MRPL12: variants seen among roughly 807,000 people sequenced by gnomAD.
MRPL12 encodes the protein large ribosomal subunit protein bL12m.
MRPL12 carries 13 observed loss-of-function variants against 21.1 expected under a neutral mutation model. The observed-to-expected ratio is 0.62, with a 90% CI of 0.40 to 0.98. The LOEUF is 0.98. MRPL12 is among the 50% of genes least tolerant of loss of function. MRPL12 has a pLI of 0.00. For synonymous variants in MRPL12, 126 were observed against 115.3 expected, an observed-to-expected ratio of 1.09 and a Z score of -0.60; for missense variants, 251 against 268.6, an observed-to-expected ratio of 0.93 and a Z score of 0.46.
At chr17:81,704,560 G>T in intron 2 of MRPL12, 73 bp from the exon 3 acceptor site, 1 of 1,579,564 alleles carries the variant, frequency 6.3e-7, no homozygotes, top group Non-Finnish European at 8.7e-7. Flanking sequence ...TCCATGCCAG[G>T]CTAGTTGCCC....
chr17:81,703,551 G>C lies in MRPL12; in HGVS notation c.50G>C (p.Arg17Pro), dbSNP rs751135214. The C allele has an allele frequency of 1.5e-5, 22 of 1,462,734 alleles. No individual in the cohort carries two copies. In the South Asian group the frequency reaches 2.6e-4, roughly 17 times the overall value. The allele number at this position is 1,462,734 out of a possible 1,614,324, so 90.6% of individuals were successfully genotyped here. Residue 17 changes from arginine to proline, a missense_variant, in exon 1 of 5, where the codon CGG becomes CCG. Physicochemically the swap from Arg to Pro is moderately radical, Grantham distance 103. Coordinates refer to ENST00000333676, the MANE Select transcript of MRPL12 (RefSeq NM_002949.4). ...CTGTGGGGGCCTTGCCTTGGGCTTC[G>C]GGCCGCTGCGTTCCGCCTTGCCAGG... is the stretch of plus-strand genomic sequence containing the variant. Reference protein sequence around the residue: ...RPLWGPCLGLRAAAFRLARRQ... With the variant: ...RPLWGPCLGLPAAAFRLARRQ...
intron 1 of MRPL12, among the ~76,000 whole-genome samples, chr17:81,703,939 G>A (rs1388076878): frequency 6.6e-6 from 1 of 152,252 alleles, no homozygotes; most frequent in Non-Finnish European, 1.5e-5. Context: ...TTTCGCCACC[G>A]CTGGGTTGAT....
Position 81,703,373 on chromosome 17 carries a change from T to G in MRPL12, c.-129T>G. The G allele has an allele frequency of 1.4e-6, 1 of 730,092 alleles. No homozygotes were observed. Among genetic ancestry groups the G allele is most frequent in the Non-Finnish European group, 2.1e-6 (1 of 479,678 alleles). 45.2% of individuals were successfully genotyped at this position (730,092 alleles called of 1,614,324 possible). ...CGCGAGGTACGGCTAGAGCGTCATT[T>G]CCGGCTCGAATGCCCGGCAGCCGTG... On this transcript the variant is annotated 5_prime_UTR_variant, in exon 1 of 5. Coordinates refer to ENST00000333676, the MANE Select transcript of MRPL12 (RefSeq NM_002949.4).
intron 1 of MRPL12, 115 bp from the exon 2 acceptor site, chr17:81,704,129 T>G: frequency 9.2e-7 from 1 of 1,081,172 alleles, no homozygotes; most frequent in East Asian, 2.6e-5. Context: ...CCCTAGTGAT[T>G]ACCAGCCTGA....
chr17:81,703,480 T>C lies in MRPL12; in HGVS notation c.-22T>C. The C allele has an allele frequency of 6.7e-7, 1 of 1,487,948 alleles. No homozygotes were observed. Among genetic ancestry groups the C allele is most frequent in the Non-Finnish European group, 8.9e-7 (1 of 1,124,930 alleles). 92.2% of individuals were successfully genotyped at this position (1,487,948 alleles called of 1,614,324 possible). A position where few individuals can be genotyped will look rare whatever the true frequency, so the allele number is the denominator to read the frequency against. On this transcript the variant is annotated 5_prime_UTR_variant, in exon 1 of 5. Coordinates refer to ENST00000333676, the MANE Select transcript of MRPL12 (RefSeq NM_002949.4). Reference sequence around the variant, plus strand: ...TCGCCTCCTCCCGGGGAACCGCGTGTGACCTTCCAGCCCGCGGACCGATGC... The same window carrying C: ...TCGCCTCCTCCCGGGGAACCGCGTGCGACCTTCCAGCCCGCGGACCGATGC...
Position 81,707,447 on chromosome 17 carries a change from A to C in MRPL12, c.*207A>C. Reference sequence around the variant, plus strand: ...GCTGCTGCCTGGTGACGGCACCCGGAGGCCCACCAGGACGCGCCACCGGTG... The same window carrying C: ...GCTGCTGCCTGGTGACGGCACCCGGCGGCCCACCAGGACGCGCCACCGGTG... On this transcript the variant is annotated 3_prime_UTR_variant, in exon 5 of 5. Coordinates refer to ENST00000333676, the MANE Select transcript of MRPL12 (RefSeq NM_002949.4). 1 of 563,628 alleles carries C rather than the reference A, an allele frequency of 1.8e-6. No individual in the cohort carries two copies. Among genetic ancestry groups the C allele is most frequent in the Non-Finnish European group, 3.1e-6 (1 of 320,428 alleles). The allele number at this position is 563,628 out of a possible 1,614,324, so 34.9% of individuals were successfully genotyped here.
chr17:81,704,579 T>G, intron 2 of MRPL12, 54 bp from the exon 3 acceptor site: 1 of 1,599,772 alleles, frequency 6.3e-7, no homozygotes, highest in South Asian at 1.1e-5. Flanking sequence ...CCCTCCTCAG[T>G]AGGTTCCGGC....
intron 3 of MRPL12, among the ~76,000 whole-genome samples, 196 bp from the exon 4 acceptor site, chr17:81,706,710 A>C (rs1401703739): frequency 1.3e-5 from 2 of 152,116 alleles, no homozygotes; most frequent in Non-Finnish European, 2.9e-5. Context: ...CGTCTCAAAA[A>C]AAAGAGAAAA....
Position 81,707,458 on chromosome 17 carries a change from G to A in MRPL12, c.*218G>A. 1.8e-6 allele frequency: 1 copy of A among 550,376 alleles called. No homozygotes were observed. Among genetic ancestry groups the A allele is most frequent in the Non-Finnish European group, 3.2e-6 (1 of 310,992 alleles). 34.1% of individuals were successfully genotyped at this position (550,376 alleles called of 1,614,324 possible). A position where few individuals can be genotyped will look rare whatever the true frequency, so the allele number is the denominator to read the frequency against. On this transcript the variant is annotated 3_prime_UTR_variant, in exon 5 of 5. Coordinates refer to ENST00000333676, the MANE Select transcript of MRPL12 (RefSeq NM_002949.4). ...GTGACGGCACCCGGAGGCCCACCAG[G>A]ACGCGCCACCGGTGAATGTGCCTCT...
chr17:81,704,588 G>A (rs1401329393), intron 2 of MRPL12, 45 bp from the exon 3 acceptor site: 7 of 1,607,132 alleles, frequency 4.4e-6, no homozygotes, highest in Admixed American at 3.3e-5. Flanking sequence ...GTAGGTTCCG[G>A]CTGGTGTGAG....
intron 3 of MRPL12, among the ~76,000 whole-genome samples, chr17:81,705,703 T>C (rs8071044): frequency 0.25 from 38,232 of 152,080 alleles, 5,156 homozygotes; most frequent in African/African-American, 0.36. Context: ...AGGAAACCAG[T>C]GAACTTGAAG....
At chr17:81,703,663 C>T (rs935446674) in intron 1 of MRPL12, 88 bp downstream of exon 1, 59 of 1,189,432 alleles carry the variant, frequency 5.0e-5, no homozygotes, top group Non-Finnish European at 1.3e-5. Context: ...AGGAGGGCGG[C>T]GGGGCCGGCC....
chr17:81,704,759 C>T (rs199726288), intron 3 of MRPL12, 43 bp downstream of exon 3: 15 of 1,521,638 alleles, frequency 9.9e-6, no homozygotes, highest in South Asian at 7.1e-5. Flanking sequence ...GTGCCCAGTT[C>T]GCCTGTGGCC....
intron 3 of MRPL12, among the ~76,000 whole-genome samples, chr17:81,705,665 CA>C (rs1411894620): frequency 1.3e-5 from 2 of 152,220 alleles, no homozygotes; most frequent in African/African-American, 4.8e-5. Flanking sequence ...AGGGGTGTAA[CA>C]AGCAGCTCCG....
chr17:81,706,767 G>A (rs1262620014), intron 3 of MRPL12, 139 bp from the exon 4 acceptor site: 5 of 932,270 alleles, frequency 5.4e-6, no homozygotes, highest in South Asian at 1.7e-5. Flanking sequence ...GTTGGGAGAC[G>A]TGACTTCCAA....
chr17:81,703,431 C>G lies in MRPL12; in HGVS notation c.-71C>G, dbSNP rs2037275727. 1.5e-6 allele frequency: 2 copies of G among 1,358,818 alleles called. No individual in the cohort carries two copies. The highest frequency in any genetic ancestry group is 1.5e-5 in the African/African-American group (1 of 65,368). The allele number at this position is 1,358,818 out of a possible 1,614,324, so 84.2% of individuals were successfully genotyped here. ...GAGCGTTCCTCCCCAGCTCGAATGC[C>G]CGGCGGCCGAGGCGGCTAGAGCGTC... On this transcript the variant is annotated 5_prime_UTR_variant, in exon 1 of 5. Transcript: ENST00000333676.
intron 3 of MRPL12, among the ~76,000 whole-genome samples, 176 bp downstream of exon 3, chr17:81,704,892 GC>G (rs2037298459): frequency 6.6e-6 from 1 of 152,256 alleles, no homozygotes; most frequent in African/African-American, 2.4e-5. Context: ...GCACGACTTT[GC>G]ATGTGGAGAC....
intron 3 of MRPL12, among the ~76,000 whole-genome samples, chr17:81,705,732 C>T (rs1385389405): frequency 1.3e-5 from 2 of 152,216 alleles, no homozygotes; most frequent in East Asian, 3.8e-4. Context: ...TGCGTTTGGT[C>T]ATCGGGTTGC....
chr17:81,703,981 G>C (rs1036687161), intron 1 of MRPL12, among the ~76,000 whole-genome samples: 4 of 152,234 alleles, frequency 2.6e-5, no homozygotes, highest in Non-Finnish European at 5.9e-5. Flanking sequence ...CTTGAGGTTT[G>C]AGTGGTATGG....
Sources: allele counts gnomAD v4.1 joint callset (sites outside exome capture counted in the v4.1 genomes callset), GRCh38; gene constraint gnomAD v4.1.1; transcripts MANE v1.5; gene names NCBI Gene and HGNC (gene_info 2026-07-23, HGNC 2026-07-21).